LRMDA: variants seen among roughly 807,000 people sequenced by gnomAD.
The protein encoded by LRMDA is leucine rich melanocyte differentiation associated.
LRMDA carries 18 observed loss-of-function variants against 29.8 expected under a neutral mutation model. That is an observed-to-expected ratio of 0.60 (90% CI 0.42 to 0.90). The LOEUF (loss-of-function observed/expected upper bound fraction) is 0.90, where lower values mean the gene tolerates loss of function less well. Ranked by LOEUF, LRMDA falls within the 40% of genes least tolerant of loss-of-function variation. The pLI is 0.00. For synonymous variants in LRMDA, 125 were observed against 109.4 expected (o/e 1.14, Z -0.89); for missense variants, 273 against 273.9 (o/e 1.00, Z 0.02).
At position 76,234,713 on chromosome 10, in the gene LRMDA, C is replaced by A. The variant is rs564316851; in HGVS notation, c.517-89688C>A. On this transcript the variant is annotated intron_variant, in intron 5 of 6. Coordinates refer to ENST00000611255, the MANE Select transcript of LRMDA (RefSeq NM_001305581.2). ...CCCTTTTATGAAGACAGCGTCTTTC[C>A]TTAAACCTTATGAACCAACCTCTCT... Among the ~76,000 whole-genome samples, 4 of 152,256 alleles carry A rather than the reference C, an allele frequency of 2.6e-5. No individual in the cohort carries two copies. The South Asian group carries it at 6.2e-4, about 24-fold the overall frequency.
At chr10:76,229,992 G>GC (rs1852029309) in intron 5 of LRMDA, among the ~76,000 whole-genome samples, 1 of 152,034 alleles carries the variant, frequency 6.6e-6, no homozygotes, top group Admixed American at 6.6e-5. Flanking sequence ...TTTCCCTGGA[G>GC]CCCCCTGGGA....
chr10:76,158,409 T>C (rs999595609), intron 5 of LRMDA, among the ~76,000 whole-genome samples: 4 of 152,140 alleles, frequency 2.6e-5, no homozygotes, highest in African/African-American at 7.2e-5. Context: ...CTGCCTTTAA[T>C]TATTATTTAT....
At chr10:75,646,663 GC>G (rs1424352421) in intron 2 of LRMDA, among the ~76,000 whole-genome samples, 2 of 152,150 alleles carry the variant, frequency 1.3e-5, no homozygotes, top group African/African-American at 4.8e-5. Flanking sequence ...AAAATAATCA[GC>G]CCCCTCTACG....
intron 5 of LRMDA, among the ~76,000 whole-genome samples, chr10:76,308,137 A>G (rs1840581574): frequency 6.6e-6 from 1 of 152,126 alleles, no homozygotes; most frequent in African/African-American, 2.4e-5. Context: ...AAATCAAAAA[A>G]TCCTCAAACC....
chr10:75,802,156 A>G (rs1843759396), intron 2 of LRMDA, among the ~76,000 whole-genome samples: 1 of 152,140 alleles, frequency 6.6e-6, no homozygotes, highest in Admixed American at 6.5e-5. Flanking sequence ...ATTTCTACAA[A>G]AAATTTAAAA....
chr10:76,001,076 G>A (rs1847554664), intron 2 of LRMDA, among the ~76,000 whole-genome samples: 1 of 152,138 alleles, frequency 6.6e-6, no homozygotes, highest in Admixed American at 6.5e-5. Flanking sequence ...CTTGATTCCT[G>A]ATCTGATGCT....
intron 2 of LRMDA, among the ~76,000 whole-genome samples, chr10:75,665,036 C>G (rs1291390458): frequency 6.6e-6 from 1 of 152,150 alleles, no homozygotes; most frequent in Non-Finnish European, 1.5e-5. Context: ...CTACTACTTA[C>G]TGGAGCTGGG....
intron 2 of LRMDA, among the ~76,000 whole-genome samples, chr10:75,810,924 C>A (rs1168269707): frequency 6.6e-6 from 1 of 152,148 alleles, no homozygotes; most frequent in Non-Finnish European, 1.5e-5. Flanking sequence ...TATTCAGTTT[C>A]CAGATGAGAA....
intron 5 of LRMDA, among the ~76,000 whole-genome samples, chr10:76,229,221 A>G (rs1348347209): frequency 1.3e-5 from 2 of 152,178 alleles, no homozygotes; most frequent in Non-Finnish European, 2.9e-5. Flanking sequence ...CAATAGACCA[A>G]TCAACAGGAG....
intron 5 of LRMDA, among the ~76,000 whole-genome samples, chr10:76,257,450 C>T (rs1852617386): frequency 6.6e-6 from 1 of 151,694 alleles, no homozygotes; most frequent in South Asian, 2.1e-4. Flanking sequence ...TCTCCTGCCT[C>T]AGCCTCCTGA....
chr10:76,162,876 G>A (rs1850672855), intron 5 of LRMDA, among the ~76,000 whole-genome samples: 2 of 152,144 alleles, frequency 1.3e-5, no homozygotes, highest in South Asian at 4.2e-4. Context: ...ATAGATAATG[G>A]CATTATTTTT....
intron 5 of LRMDA, among the ~76,000 whole-genome samples, chr10:76,093,664 T>C (rs1589324012): frequency 6.6e-6 from 1 of 152,268 alleles, no homozygotes; most frequent in East Asian, 1.9e-4. Flanking sequence ...TCATATCATA[T>C]CCACATTGCT....
intron 5 of LRMDA, among the ~76,000 whole-genome samples, chr10:76,308,144 A>G (rs894843122): frequency 3.3e-5 from 5 of 152,100 alleles, no homozygotes; most frequent in African/African-American, 1.2e-4. Context: ...AAAATCCTCA[A>G]ACCCAGGAAC....
chr10:76,270,037 C>T (rs113341979), intron 5 of LRMDA, among the ~76,000 whole-genome samples: 1,935 of 152,246 alleles, frequency 0.013, 35 homozygotes, highest in African/African-American at 0.044. Context: ...TTTTGTTCCC[C>T]GTCAGTATTT....
intron 2 of LRMDA, among the ~76,000 whole-genome samples, chr10:75,809,101 G>C (rs1365245356): frequency 1.3e-5 from 2 of 152,050 alleles, no homozygotes; most frequent in African/African-American, 2.4e-5. Flanking sequence ...GCTTGTTCCA[G>C]CTCCCCCACC....
intron 2 of LRMDA, among the ~76,000 whole-genome samples, chr10:75,843,560 G>A (rs1844578999): frequency 6.6e-6 from 1 of 152,184 alleles, no homozygotes; most frequent in Non-Finnish European, 1.5e-5. Flanking sequence ...TGATAATAAT[G>A]ATTATCAGAC....
intron 5 of LRMDA, among the ~76,000 whole-genome samples, chr10:76,266,416 A>G (rs2132315471): frequency 6.6e-6 from 1 of 152,226 alleles, no homozygotes; most frequent in Admixed American, 6.5e-5. Context: ...CTTTCTCTAG[A>G]TCCTGTGTTG....
intron 2 of LRMDA, among the ~76,000 whole-genome samples, chr10:75,600,229 T>C (rs1840864797): frequency 6.6e-6 from 1 of 152,176 alleles, no homozygotes; most frequent in East Asian, 1.9e-4. Flanking sequence ...GCATCTTCTT[T>C]CCACAGCATT....
intron 2 of LRMDA, among the ~76,000 whole-genome samples, chr10:75,523,625 C>G (rs531816604): frequency 6.6e-6 from 1 of 152,064 alleles, no homozygotes; most frequent in Non-Finnish European, 1.5e-5. Context: ...AAATCAGGAC[C>G]CTTTTGAAAA....
Sources: allele counts gnomAD v4.1 joint callset (sites outside exome capture counted in the v4.1 genomes callset), GRCh38; gene constraint gnomAD v4.1.1; transcripts MANE v1.5; gene names NCBI Gene and HGNC (gene_info 2026-07-23, HGNC 2026-07-21).